The following IL1RAPL2 variants were observed in gnomAD, a reference collection of about 807,000 sequenced individuals.
IL1RAPL2 encodes the protein X-linked interleukin-1 receptor accessory protein-like 2.
IL1RAPL2 carries 3 observed loss-of-function variants against 44.1 expected under a neutral mutation model. The observed-to-expected ratio is 0.07, with a 90% confidence interval of 0.03 to 0.18. IL1RAPL2 has a LOEUF of 0.18. IL1RAPL2 is among the 10% of genes least tolerant of loss of function. The pLI is 1.00. For missense variants in IL1RAPL2, 391 were observed against 496.4 expected (o/e 0.79, Z 2.02); for synonymous variants, 181 against 178.8 (o/e 1.01, Z -0.10).
Position 105,556,019 on chromosome X carries a change from T to C in IL1RAPL2, c.772+71632T>C, listed in dbSNP as rs1385327663. The stretch of plus-strand genomic sequence containing the variant: ...TGGACTTCAGAAGCCTTTGAAAAAG[T>C]GATTAAACAGGCCAAGATTATGTTA... On this transcript the variant is annotated intron_variant, in intron 6 of 10. Coordinates refer to ENST00000372582, the MANE Select transcript of IL1RAPL2 (RefSeq NM_017416.2). 3.6e-5 allele frequency among the ~76,000 whole-genome samples: 4 copies of C among 111,809 alleles called. No individual in the cohort carries two copies. The East Asian group carries it at 1.1e-3, about 32-fold the overall frequency.
At chrX:105,578,175 G>A (rs1204359819) in intron 6 of IL1RAPL2, among the ~76,000 whole-genome samples, 1 of 109,937 alleles carries the variant, frequency 9.1e-6, no homozygotes, top group African/African-American at 3.3e-5. Flanking sequence ...ATTTGTAACA[G>A]CAAAAAGGCT....
intron 1 of IL1RAPL2, among the ~76,000 whole-genome samples, chrX:104,574,567 T>C (rs1257468132): frequency 8.9e-6 from 1 of 112,126 alleles, no homozygotes; most frequent in Non-Finnish European, 1.9e-5. Flanking sequence ...TCTAAGAAGA[T>C]AAATGCAAGT....
At chrX:105,316,042 G>C (rs1259725172) in intron 5 of IL1RAPL2, among the ~76,000 whole-genome samples, 1 of 111,042 alleles carries the variant, frequency 9.0e-6, no homozygotes, top group Non-Finnish European at 1.9e-5. Context: ...TGGAGGCCAA[G>C]GACGGCGGAT....
At chrX:104,880,074 A>G (rs1328363164) in intron 2 of IL1RAPL2, among the ~76,000 whole-genome samples, 1 of 84,395 alleles carries the variant, frequency 1.2e-5, no homozygotes, top group African/African-American at 3.9e-5. Flanking sequence ...TCTGTTTTGC[A>G]ATTTTTTTTT....
chrX:104,994,455 T>C (rs2030714743), intron 2 of IL1RAPL2, among the ~76,000 whole-genome samples: 1 of 111,769 alleles, frequency 8.9e-6, no homozygotes, highest in African/African-American at 3.2e-5. Flanking sequence ...GACACACAGG[T>C]TTATGCATCT....
Position 104,724,464 on chromosome X carries a change from TA to T in IL1RAPL2, c.82+65476del, listed in dbSNP as rs201949067. Among the ~76,000 whole-genome samples, 86 of 110,960 alleles carry T rather than the reference TA, an allele frequency of 7.8e-4. No homozygotes were observed. The East Asian group carries it at 0.022, about 29-fold the overall frequency. ...ATGTACCCTAAAACTTAAAGTATAA[TA>T]AAAAAATTAGCATGGTGGAGGAGCA... On this transcript the variant is annotated intron_variant, in intron 2 of 10. Transcript: ENST00000372582.
At chrX:105,612,116 T>G (rs1441916480) in intron 6 of IL1RAPL2, among the ~76,000 whole-genome samples, 2 of 111,254 alleles carry the variant, frequency 1.8e-5, no homozygotes, top group Non-Finnish European at 3.8e-5. Flanking sequence ...TTGTTTGTTT[T>G]TTGTTTTTAA....
chrX:105,415,630 C>T (rs973851534), intron 5 of IL1RAPL2, among the ~76,000 whole-genome samples: 2 of 111,075 alleles, frequency 1.8e-5, no homozygotes, highest in East Asian at 2.8e-4. Context: ...AGCTTAAGCA[C>T]GGCCTTTCTT....
At chrX:105,478,041 C>T (rs946691319) in intron 5 of IL1RAPL2, among the ~76,000 whole-genome samples, 4 of 110,652 alleles carry the variant, frequency 3.6e-5, no homozygotes, top group African/African-American at 1.3e-4. Context: ...ATTATATGCT[C>T]CCAGGAATGC....
At chrX:105,455,402 G>T (rs1265602995) in intron 5 of IL1RAPL2, among the ~76,000 whole-genome samples, 1 of 111,787 alleles carries the variant, frequency 8.9e-6, no homozygotes, top group African/African-American at 3.2e-5. Flanking sequence ...GCCTATTCCT[G>T]TGTCTAAGAT....
chrX:104,748,939 A>T lies in IL1RAPL2; in HGVS notation c.82+89944A>T, dbSNP rs760974348. On this transcript the variant is annotated intron_variant, in intron 2 of 10. Coordinates refer to ENST00000372582, the MANE Select transcript of IL1RAPL2 (RefSeq NM_017416.2). The stretch of plus-strand genomic sequence containing the variant: ...TGCTGAGCACTGGAAAGTTAGAAAG[A>T]TCTCAGTTCTTATATAGGGCCCTTC... Among the ~76,000 whole-genome samples, 4 of 111,288 alleles carry T rather than the reference A, an allele frequency of 3.6e-5. No homozygotes were observed. The South Asian group carries it at 1.5e-3, about 42-fold the overall frequency.
At chrX:104,677,030 C>T (rs911148574) in intron 2 of IL1RAPL2, among the ~76,000 whole-genome samples, 17 of 111,237 alleles carry the variant, frequency 1.5e-4, no homozygotes, top group Admixed American at 5.7e-4. Context: ...AACTTCTTTG[C>T]CTTTGGTTTG....
chrX:105,290,252 C>G (rs1353007859), intron 5 of IL1RAPL2, among the ~76,000 whole-genome samples: 1 of 111,647 alleles, frequency 9.0e-6, no homozygotes, highest in Non-Finnish European at 1.9e-5. Context: ...GATATGGTCT[C>G]TGCCTTTAGG....
At chrX:104,803,674 A>C (rs1181266151) in intron 2 of IL1RAPL2, among the ~76,000 whole-genome samples, 1 of 112,499 alleles carries the variant, frequency 8.9e-6, no homozygotes, top group Non-Finnish European at 1.9e-5. Flanking sequence ...CAGTCTGAAG[A>C]TAACTTTATG....
chrX:105,016,553 C>T (rs1016329564), intron 2 of IL1RAPL2, among the ~76,000 whole-genome samples: 2 of 111,566 alleles, frequency 1.8e-5, no homozygotes, highest in African/African-American at 6.5e-5. Context: ...AATGCCTTTT[C>T]TGCATCTATC....
chrX:104,911,554 G>A (rs1007779807), intron 2 of IL1RAPL2, among the ~76,000 whole-genome samples: 1 of 111,326 alleles, frequency 9.0e-6, no homozygotes, highest in Non-Finnish European at 1.9e-5. Context: ...ACCACCATAG[G>A]CAAGTGAACA....
At chrX:105,244,253 A>G (rs2034200736) in intron 4 of IL1RAPL2, among the ~76,000 whole-genome samples, 1 of 111,565 alleles carries the variant, frequency 9.0e-6, no homozygotes, top group Non-Finnish European at 1.9e-5. Flanking sequence ...TTTTTCTCAG[A>G]TTCCCTTGAT....
At chrX:105,605,508 A>G (rs2037286769) in intron 6 of IL1RAPL2, among the ~76,000 whole-genome samples, 2 of 112,003 alleles carry the variant, frequency 1.8e-5, no homozygotes, top group Admixed American at 1.9e-4. Flanking sequence ...CAATACTGTT[A>G]AAATAATGTA....
In IL1RAPL2 at chrX:104,767,150, G is replaced by T. The variant is rs187458324; in HGVS notation, c.82+108155G>T. Among the ~76,000 whole-genome samples the T allele has an allele frequency of 4.6e-3, 516 of 111,675 alleles. 2 individuals carry two copies. The highest frequency in any genetic ancestry group is 6.3e-3 in the Non-Finnish European group (333 of 53,135). On this transcript the variant is annotated intron_variant, in intron 2 of 10. Coordinates refer to ENST00000372582, the MANE Select transcript of IL1RAPL2 (RefSeq NM_017416.2). ...AAATTAGAACCAGTGAGTTTCTGGGGGCCATCCATCAGGTGCAATATCAGG... is the reference window on the plus strand; with the variant it reads ...AAATTAGAACCAGTGAGTTTCTGGGTGCCATCCATCAGGTGCAATATCAGG...
Sources: gnomAD v4.1 joint callset for allele counts (sites outside exome capture counted in the v4.1 genomes callset) on GRCh38, gnomAD v4.1.1 for gene constraint, MANE v1.5 for transcripts, NCBI Gene and HGNC (gene_info 2026-07-23, HGNC 2026-07-21) for gene names.